The following SHISA6 variants were observed in gnomAD, a reference collection of about 807,000 sequenced individuals.
The protein encoded by SHISA6 is shisa family member 6.
A neutral mutation model predicts 47.9 loss-of-function variants in SHISA6; 22 were observed. The observed-to-expected ratio is 0.46, with a 90% CI of 0.33 to 0.66. SHISA6 has a LOEUF of 0.66. Ranked by LOEUF, SHISA6 falls within the 30% of genes least tolerant of loss-of-function variation. SHISA6 has a pLI of 0.02. For missense variants in SHISA6, 680 were observed against 764.6 expected, an observed-to-expected ratio of 0.89 and a Z score of 1.30; for synonymous variants, 388 against 337.8, an observed-to-expected ratio of 1.15 and a Z score of -1.63.
intron 3 of SHISA6, among the ~76,000 whole-genome samples, chr17:11,486,441 T>G (rs1363638459): frequency 6.6e-6 from 1 of 152,204 alleles, no homozygotes; most frequent in African/African-American, 2.4e-5. Flanking sequence ...AGTTGGCAGA[T>G]AGTCAACAAA....
At chr17:11,404,625 G>A (rs918634739) in intron 3 of SHISA6, among the ~76,000 whole-genome samples, 2 of 152,120 alleles carry the variant, frequency 1.3e-5, no homozygotes, top group Non-Finnish European at 2.9e-5. Flanking sequence ...TGATTCACAG[G>A]GACTCCTGAA....
In SHISA6 at chr17:11,497,526, C is replaced by T. The variant is rs145240057; in HGVS notation, c.896-54370C>T. Among the ~76,000 whole-genome samples the T allele has an allele frequency of 7.2e-5, 11 of 152,250 alleles. 1 individual carries two copies. In the East Asian group the frequency reaches 1.7e-3, roughly 24 times the overall value. On this transcript the variant is annotated intron_variant, in intron 3 of 5. Transcript: ENST00000441885. ...TGAGAATGAGAAAGGCCTCCCTCCT[C>T]GACACTTTAGACGAATGTTCTTGAA...
intron 3 of SHISA6, among the ~76,000 whole-genome samples, chr17:11,435,371 A>C (rs1411658838): frequency 6.6e-6 from 1 of 152,088 alleles, no homozygotes; most frequent in Admixed American, 6.5e-5. Context: ...CCTCAAAATA[A>C]AATACTATGA....
intron 3 of SHISA6, among the ~76,000 whole-genome samples, chr17:11,525,639 A>AC (rs202041130): frequency 3.4e-4 from 32 of 95,246 alleles, no homozygotes; most frequent in South Asian, 7.3e-4. Flanking sequence ...CTCAAAAAAA[A>AC]AAAAAAAAAA....
intron 1 of SHISA6, among the ~76,000 whole-genome samples, chr17:11,248,297 T>A (rs1907667731): frequency 6.6e-6 from 1 of 152,324 alleles, no homozygotes. Flanking sequence ...TTGTCATCTA[T>A]TACAGAATTA....
rs140135298 is a variant in SHISA6 at position 11,300,744 on chromosome 17, A to G, written c.799+37218A>G. On this transcript the variant is annotated intron_variant, in intron 2 of 5. Transcript: ENST00000441885. ...TTCATAAGAGATGGCTCTAGGAAAA[A>G]CAGGCTTCTTATTTCAATTCCCCGG... 9.5e-3 allele frequency among the ~76,000 whole-genome samples: 1,443 copies of G among 151,354 alleles called. 23 individuals are homozygous for G. Among genetic ancestry groups the G allele is most frequent in the African/African-American group, 0.033 (1,344 of 41,272 alleles).
At chr17:11,266,403 G>T (rs9907860) in intron 2 of SHISA6, among the ~76,000 whole-genome samples, 149,495 of 152,326 alleles carry the variant, frequency 0.98, 73,410 homozygotes, top group East Asian at 1. Flanking sequence ...CCTGCTGAAT[G>T]AGAACCTGTA....
chr17:11,261,634 T>A (rs1908236416), intron 1 of SHISA6, among the ~76,000 whole-genome samples: 1 of 152,226 alleles, frequency 6.6e-6, no homozygotes, highest in African/African-American at 2.4e-5. Context: ...ATAGCAGGTA[T>A]CAGTATGCCT....
intron 2 of SHISA6, among the ~76,000 whole-genome samples, chr17:11,313,221 T>C (rs944068646): frequency 1.3e-5 from 2 of 151,570 alleles, no homozygotes; most frequent in Admixed American, 1.3e-4. Flanking sequence ...TCAGTAACCC[T>C]GAATGTTAAG....
At chr17:11,262,413 G>A (rs1908264159) in intron 1 of SHISA6, among the ~76,000 whole-genome samples, 1 of 152,204 alleles carries the variant, frequency 6.6e-6, no homozygotes, top group South Asian at 2.1e-4. Flanking sequence ...GTATCCAGGT[G>A]TAGTTTCTTG....
chr17:11,299,699 T>C (rs942909495), intron 2 of SHISA6, among the ~76,000 whole-genome samples: 1 of 152,146 alleles, frequency 6.6e-6, no homozygotes, highest in Non-Finnish European at 1.5e-5. Context: ...AATCTCTGTT[T>C]TCCCCATCCC....
intron 1 of SHISA6, among the ~76,000 whole-genome samples, chr17:11,248,921 C>T (rs1253499492): frequency 3.3e-5 from 5 of 152,104 alleles, no homozygotes; most frequent in African/African-American, 7.2e-5. Flanking sequence ...GGGCAGATCA[C>T]GAGGTCAGGA....
chr17:11,562,639 C>T lies in SHISA6; in HGVS notation c.*4335C>T, dbSNP rs901099719. 1.3e-5 allele frequency: 2 copies of T among 152,162 alleles called. No homozygotes were observed. Among genetic ancestry groups the T allele is most frequent in the Admixed American group, 6.5e-5 (1 of 15,278 alleles). The allele number at this position is 152,162 out of a possible 1,614,324, so 9.4% of individuals were successfully genotyped here. On this transcript the variant is annotated 3_prime_UTR_variant, in exon 6 of 6. Transcript: ENST00000441885. Reference sequence around the variant, plus strand: ...CAGCTTCCAGCCCTGGCTTTGTCTCCGAGGGGGAGTCATGTTCCCCACTCA... The same window carrying T: ...CAGCTTCCAGCCCTGGCTTTGTCTCTGAGGGGGAGTCATGTTCCCCACTCA...
chr17:11,556,286 T>A (rs2071979031), intron 5 of SHISA6, among the ~76,000 whole-genome samples: 1 of 152,024 alleles, frequency 6.6e-6, no homozygotes, highest in Non-Finnish European at 1.5e-5. Flanking sequence ...CTGAGACCTC[T>A]CCCAGAGGCC....
intron 3 of SHISA6, among the ~76,000 whole-genome samples, chr17:11,496,135 G>A (rs2071407180): frequency 6.6e-6 from 1 of 152,128 alleles, no homozygotes; most frequent in Admixed American, 6.5e-5. Flanking sequence ...GATTTGCCAG[G>A]TGTAATCTCC....
At chr17:11,279,245 C>T (rs1909038087) in intron 2 of SHISA6, among the ~76,000 whole-genome samples, 1 of 152,170 alleles carries the variant, frequency 6.6e-6, no homozygotes, top group Non-Finnish European at 1.5e-5. Flanking sequence ...GAGGGTGAGG[C>T]ATGTAACCTT....
chr17:11,242,119 C>A, intron 1 of SHISA6, 59 bp downstream of exon 1: 1 of 1,542,246 alleles, frequency 6.5e-7, no homozygotes. Flanking sequence ...TCTCAGCTTG[C>A]TTCCCCTGTC....
chr17:11,537,227 G>A (rs778209422), intron 3 of SHISA6, among the ~76,000 whole-genome samples: 2 of 152,136 alleles, frequency 1.3e-5, no homozygotes, highest in African/African-American at 4.8e-5. Flanking sequence ...GCTCCAAGGG[G>A]ACCCTGAGTC....
At chr17:11,310,884 G>T (rs1030583645) in intron 2 of SHISA6, among the ~76,000 whole-genome samples, 1 of 151,742 alleles carries the variant, frequency 6.6e-6, no homozygotes, top group Non-Finnish European at 1.5e-5. Flanking sequence ...CTAGGTGGGC[G>T]CATCACAAGG....
Sources: gnomAD v4.1 joint callset for allele counts (sites outside exome capture counted in the v4.1 genomes callset) on GRCh38, gnomAD v4.1.1 for gene constraint, MANE v1.5 for transcripts, NCBI Gene and HGNC (gene_info 2026-07-23, HGNC 2026-07-21) for gene names.